Variants in ITGB5 observed in about 807,000 individuals in gnomAD.
ITGB5 encodes integrin beta-5.
Under a neutral mutation model 84.8 loss-of-function variants are expected in ITGB5, and 38 were observed. The ratio of observed to expected loss-of-function variants is 0.45; its 90% CI spans 0.35 to 0.59. The LOEUF (loss-of-function observed/expected upper bound fraction) is 0.59, where lower values mean the gene tolerates loss of function less well. ITGB5 is among the 20% of genes least tolerant of loss of function. The pLI is 0.01. For missense variants in ITGB5, 905 were observed against 1,034.5 expected (o/e 0.87, Z 1.72); for synonymous variants, 393 against 414.4 (o/e 0.95, Z 0.63).
intron 8 of ITGB5, 62 bp downstream of exon 8, chr3:124,817,559 C>T: frequency 1.1e-6 from 1 of 878,298 alleles, no homozygotes. Context: ...GCGGCAGCTG[C>T]AGGGCCTCAG....
intron 13 of ITGB5, among the ~76,000 whole-genome samples, chr3:124,765,855 G>C (rs1053418810): frequency 1.3e-5 from 2 of 152,030 alleles, no homozygotes; most frequent in African/African-American, 4.8e-5. Context: ...CCAGGAGTTC[G>C]AGACCAGCCT....
chr3:124,774,863 C>T (rs945906792), intron 10 of ITGB5, among the ~76,000 whole-genome samples: 1 of 152,216 alleles, frequency 6.6e-6, no homozygotes, highest in Non-Finnish European at 1.5e-5. Context: ...TGGGATGAAT[C>T]CGCACAGTGA....
At chr3:124,841,326 C>G in intron 5 of ITGB5, 57 bp downstream of exon 5, 1 of 1,550,600 alleles carries the variant, frequency 6.4e-7, no homozygotes, top group Non-Finnish European at 8.8e-7. Context: ...CCAACACCCA[C>G]TGACGCTCTC....
chr3:124,868,538 T>A (rs1579319441), intron 2 of ITGB5, among the ~76,000 whole-genome samples: 1 of 138,732 alleles, frequency 7.2e-6, no homozygotes. Context: ...CCCAGCACAC[T>A]GGGAAGCCAA....
intron 5 of ITGB5, among the ~76,000 whole-genome samples, chr3:124,824,792 A>G (rs1456356049): frequency 1.3e-5 from 2 of 152,240 alleles, no homozygotes; most frequent in Non-Finnish European, 2.9e-5. Context: ...AGGGTTCTCA[A>G]CATCATTAGT....
rs759764353 is a variant in ITGB5, at chr3:124,848,303, A to G, written c.611+6T>C. ...GTACCCAACAGAAGGGCAACTGGTC[A>G]CTTACCCAATGCACGGATTGGTCTG... On this transcript the variant is annotated splice_donor_region_variant and intron_variant, in intron 4 of 14. Transcript: ENST00000296181. 1.2e-6 allele frequency: 2 copies of G among 1,613,320 alleles called. No individual in the cohort carries two copies. The highest frequency in any genetic ancestry group is 1.7e-6 in the Non-Finnish European group (2 of 1,179,358).
intron 10 of ITGB5, chr3:124,792,002 CTGCCTGG>C (rs1351758345): frequency 3.3e-5 from 5 of 152,198 alleles, no homozygotes; most frequent in African/African-American, 1.2e-4. Context: ...TTATCAAGTC[CTGCCTGG>C]AGCTGGACTC....
At chr3:124,883,325 G>C (rs1934661662) in intron 1 of ITGB5, among the ~76,000 whole-genome samples, 4 of 152,192 alleles carry the variant, frequency 2.6e-5, no homozygotes, top group Admixed American at 2.6e-4. Context: ...AATAAGCATG[G>C]AGAACAAGCA....
upstream of ITGB5, among the ~76,000 whole-genome samples, chr3:124,891,839 G>T (rs1301981142): frequency 2.0e-5 from 3 of 151,804 alleles, no homozygotes; most frequent in Non-Finnish European, 4.4e-5. Flanking sequence ...GATCACCTGA[G>T]CCTGGGGAAG....
At chr3:124,869,266 G>A (rs1285325012) in intron 2 of ITGB5, among the ~76,000 whole-genome samples, 1 of 152,150 alleles carries the variant, frequency 6.6e-6, no homozygotes, top group Non-Finnish European at 1.5e-5. Flanking sequence ...GTCTTGCTAA[G>A]GGGTACAGGT....
At chr3:124,859,546 C>A in intron 2 of ITGB5, 100 bp from the exon 3 acceptor site, 1 of 822,182 alleles carries the variant, frequency 1.2e-6, no homozygotes, top group Non-Finnish European at 1.9e-6. Context: ...ACCTTAAATT[C>A]TCTACTTTCC....
chr3:124,820,658 G>A lies in ITGB5; in HGVS notation c.942+655C>T, dbSNP rs150420084. On this transcript the variant is annotated intron_variant, in intron 6 of 14. Coordinates refer to ENST00000296181, the MANE Select transcript of ITGB5 (RefSeq NM_002213.5). ...TGGATTTGAGAAAGAAAAGGATGCAGATTTTGGCAGGAAAATTGCACAGTG... is the reference window on the plus strand; with the variant it reads ...TGGATTTGAGAAAGAAAAGGATGCAAATTTTGGCAGGAAAATTGCACAGTG... Among the ~76,000 whole-genome samples the A allele has an allele frequency of 4.6e-5, 7 of 152,330 alleles. No homozygotes were observed. The East Asian group carries it at 1.3e-3, about 29-fold the overall frequency.
At position 124,796,471 on chromosome 3, in the gene ITGB5, T is replaced by G. The variant is rs1025456357; in HGVS notation, c.1610A>C (p.Glu537Ala). 1.2e-5 allele frequency: 20 copies of G among 1,614,034 alleles called. No individual in the cohort carries two copies. The highest frequency in any genetic ancestry group is 1.7e-5 in the Non-Finnish European group (20 of 1,180,046). ...DCSCNQCSCF[E>A]SEFGKIYGPF... ...CCCATAGATCTTGCCAAACTCGCTC[T>G]CGAAGCAGGAGCACTGGTTGCAGCT... Residue 537 changes from glutamate (E) to alanine (A), a missense_variant, in exon 10 of 15, where the codon GAG becomes GCG. Glu to Ala is a moderately radical substitution (Grantham distance 107, BLOSUM62 -1). Around this residue, in one of 3 missense-constraint regions of ITGB5, gnomAD observed 656 missense variants for 734.7 expected, o/e 0.89. Transcript: ENST00000296181.
intron 1 of ITGB5, among the ~76,000 whole-genome samples, chr3:124,893,159 G>A (rs1935035515): frequency 6.6e-6 from 1 of 152,144 alleles, no homozygotes; most frequent in African/African-American, 2.4e-5. Flanking sequence ...TGTAATCCCA[G>A]CACTTTGGAA....
intron 1 of ITGB5, among the ~76,000 whole-genome samples, chr3:124,898,662 A>AAAAAAAAAAAAAAAAAAAAAAAAAAAAAC (rs1935158870): frequency 6.9e-6 from 1 of 145,628 alleles, no homozygotes. Context: ...AAAAAAAAAA[A>AAAAAAAAAAAAAAAAAAAAAAAAAAAAAC]AAAAAAAAGA....
chr3:124,809,027 C>T lies in ITGB5; in HGVS notation c.1258G>A (p.Asp420Asn). 6.2e-7 allele frequency: 1 copy of T among 1,613,986 alleles called. No homozygotes were observed. The highest frequency in any genetic ancestry group is 8.5e-7 in the Non-Finnish European group (1 of 1,179,950). The change falls in exon 9 of 15, where the codon GAC becomes AAC. Residue 420 changes from aspartate (D) to asparagine (N), a missense_variant. Coordinates refer to ENST00000296181, the MANE Select transcript of ITGB5 (RefSeq NM_002213.5). ...AAACTTGGGGTGAGACTTACCGTGT[C>T]CCCAATCTTCAGACCCTCACACTTC... ...QRKCEGLKIGDTASFEVSLEA... is the reference protein window; with the variant it reads ...QRKCEGLKIGNTASFEVSLEA...
intron 9 of ITGB5, 139 bp downstream of exon 9, chr3:124,808,883 G>C (rs1030715803): frequency 1.1e-6 from 1 of 918,638 alleles, no homozygotes; most frequent in Non-Finnish European, 1.7e-6. Flanking sequence ...ACAGGCTTAG[G>C]AGACTCCTCT....
At chr3:124,786,207 C>T (rs1306635912) in intron 10 of ITGB5, among the ~76,000 whole-genome samples, 1 of 152,068 alleles carries the variant, frequency 6.6e-6, no homozygotes, top group Non-Finnish European at 1.5e-5. Context: ...TGTTTGTTTC[C>T]AAGGAAATGA....
intron 7 of ITGB5, among the ~76,000 whole-genome samples, chr3:124,819,160 G>A (rs1460645225): frequency 1.3e-5 from 2 of 152,160 alleles, no homozygotes; most frequent in Non-Finnish European, 2.9e-5. Context: ...TATTCACTCA[G>A]GACACTTATT....
Sources: gnomAD v4.1 joint callset for allele counts (sites outside exome capture counted in the v4.1 genomes callset) on GRCh38, gnomAD v4.1.1 for gene constraint, gnomAD v4.1.1 regional missense constraint, MANE v1.5 for transcripts, NCBI Gene and HGNC (gene_info 2026-07-23, HGNC 2026-07-21) for gene names.